Variants in IDH3A observed in about 807,000 individuals in gnomAD.
The protein encoded by IDH3A is isocitrate dehydrogenase [NAD] subunit alpha, mitochondrial.
In IDH3A, 23 loss-of-function variants were observed where a neutral mutation model predicts 43.3. The observed-to-expected ratio is 0.53, with a 90% CI of 0.38 to 0.75. The LOEUF (loss-of-function observed/expected upper bound fraction) is 0.75. Among genes scored for constraint, IDH3A ranks in the 30% least tolerant of loss-of-function variants. IDH3A has a pLI of 0.00. For missense variants in IDH3A, 329 were observed against 474.4 expected (o/e 0.69, Z 2.85); for synonymous variants, 154 against 163.5 (o/e 0.94, Z 0.44).
chr15:78,157,824 C>CTT (rs1009643108), intron 3 of IDH3A, among the ~76,000 whole-genome samples, 193 bp downstream of exon 3: 1 of 144,050 alleles, frequency 6.9e-6, no homozygotes. Flanking sequence ...TTCTTTCTTT[C>CTT]TTTTTTTTTT....
chr15:78,159,878 C>A (rs2074663232), intron 3 of IDH3A: 1 of 457,424 alleles, frequency 2.2e-6, no homozygotes, highest in Non-Finnish European at 4.0e-6. Flanking sequence ...GCCTGTAATC[C>A]CAGCTACTCA....
rs144167663 is a variant in IDH3A at position 78,155,338 on chromosome 15, A to G, written c.90+63A>G. 1.9e-3 allele frequency: 2,063 copies of G among 1,065,572 alleles called. 10 individuals are homozygous for G. Among genetic ancestry groups the G allele is most frequent in the South Asian group, 3.0e-3 (222 of 73,224 alleles). 66.0% of individuals were successfully genotyped at this position (1,065,572 alleles called of 1,614,324 possible). Reference sequence around the variant, plus strand: ...AGTTTCTCAAGAAAGATGCTCTAACATATTTATTATATAGCATTTTATCTC... The same window carrying G: ...AGTTTCTCAAGAAAGATGCTCTAACGTATTTATTATATAGCATTTTATCTC... On this transcript the variant is annotated intron_variant, in intron 2 of 10. Transcript: ENST00000299518.
rs910669668 is a variant in IDH3A at position 78,161,915 on chromosome 15, T to C, written c.477+147T>C. The C allele has an allele frequency of 1.7e-4, 128 of 751,132 alleles. 1 individual carries two copies. Among genetic ancestry groups the C allele is most frequent in the Middle Eastern group, 7.3e-4 (3 of 4,132 alleles). 46.5% of individuals were successfully genotyped at this position (751,132 alleles called of 1,614,324 possible). A position where few individuals can be genotyped will look rare whatever the true frequency, so the allele number is the denominator to read the frequency against. On this transcript the variant is annotated intron_variant, in intron 5 of 10. Transcript: ENST00000299518. This position sits in a 1 kb window ranked among gnomAD's most constrained non-coding sequence, Gnocchi z 4.8. ...GTCTGGCTGACAGTACTCAAACAAA[T>C]GTAAGGCATGGTGGTTCGCGTCACA...
chr15:78,161,825 G>C lies in IDH3A; in HGVS notation c.477+57G>C. 2 of 1,444,334 alleles carry C rather than the reference G, an allele frequency of 1.4e-6. No individual in the cohort carries two copies. Among genetic ancestry groups the C allele is most frequent in the South Asian group, 2.4e-5 (2 of 85,016 alleles). The allele number at this position is 1,444,334 out of a possible 1,614,324, so 89.5% of individuals were successfully genotyped here. A position where few individuals can be genotyped will look rare whatever the true frequency, so the allele number is the denominator to read the frequency against. On this transcript the variant is annotated intron_variant, in intron 5 of 10. Transcript: ENST00000299518. This position sits in a 1 kb window ranked among gnomAD's most constrained non-coding sequence, Gnocchi z 4.8. ...GCTTGGACTGCTTTCTGTGCATCTGGGACCCCAGAGACAGATCTGCTTTAT... is the reference window on the plus strand; with the variant it reads ...GCTTGGACTGCTTTCTGTGCATCTGCGACCCCAGAGACAGATCTGCTTTAT...
chr15:78,170,600 C>G lies in IDH3A; in HGVS notation c.*1595C>G. ...GATGCCTTCGGTCATTTTGGCTCAG[C>G]TTGCTACTGAGAATGGCTGCTTCCC... On this transcript the variant is annotated 3_prime_UTR_variant, in exon 11 of 11. Transcript: ENST00000299518. 1 of 152,426 alleles carries G rather than the reference C, an allele frequency of 6.6e-6. No homozygotes were observed. 9.4% of individuals were successfully genotyped at this position (152,426 alleles called of 1,614,324 possible).
At chr15:78,164,446 A>G (rs2141300739) in intron 8 of IDH3A, among the ~76,000 whole-genome samples, 1 of 149,482 alleles carries the variant, frequency 6.7e-6, no homozygotes, top group South Asian at 2.1e-4. Flanking sequence ...TCTACCTCCC[A>G]GGTTCGAGTG....
Position 78,161,452 on chromosome 15 carries a change from A to T in IDH3A, c.290-129A>T. 1.5e-6 allele frequency: 1 copy of T among 675,642 alleles called. No homozygotes were observed. Among genetic ancestry groups the T allele is most frequent in the East Asian group, 2.6e-5 (1 of 38,938 alleles). 41.9% of individuals were successfully genotyped at this position (675,642 alleles called of 1,614,324 possible). A position where few individuals can be genotyped will look rare whatever the true frequency, so the allele number is the denominator to read the frequency against. ...TCCCGTGAGGAAGTGTTCCTCCTTC[A>T]TTTGAATCTCAGGTAGAGAGTGAAC... On this transcript the variant is annotated intron_variant, in intron 4 of 10. Coordinates refer to ENST00000299518, the MANE Select transcript of IDH3A (RefSeq NM_005530.3). The surrounding 1 kb of genome is among the most constrained non-coding windows in gnomAD (Gnocchi z 4.8).
intron 6 of IDH3A, among the ~76,000 whole-genome samples, chr15:78,162,841 C>T (rs1042820079): frequency 3.3e-5 from 5 of 152,152 alleles, no homozygotes; most frequent in Admixed American, 6.5e-5. Context: ...CCTCTGCGCC[C>T]GGCCTGGAGT....
In IDH3A at chr15:78,169,169, G is replaced by A. The variant is rs896782567; in HGVS notation, c.*164G>A. ...ATCTGTGCAAAAGATGCAGGTGGAT[G>A]TCCCTAGGTCTGTTTTCAAAGAACT... On this transcript the variant is annotated 3_prime_UTR_variant, in exon 11 of 11. Transcript: ENST00000299518. 9.3e-6 allele frequency: 4 copies of A among 429,262 alleles called. No homozygotes were observed. The highest frequency in any genetic ancestry group is 8.0e-5 in the African/African-American group (4 of 49,712). The allele number at this position is 429,262 out of a possible 1,614,324, so 26.6% of individuals were successfully genotyped here. A position where few individuals can be genotyped will look rare whatever the true frequency, so the allele number is the denominator to read the frequency against.
intron 10 of IDH3A, chr15:78,166,511 C>CA: frequency 3.4e-6 from 2 of 581,204 alleles, no homozygotes; most frequent in East Asian, 3.0e-5. Flanking sequence ...ATATTTCATC[C>CA]AAAAAAAGTT....
intron 3 of IDH3A, 125 bp from the exon 4 acceptor site, chr15:78,159,967 C>T: frequency 1.5e-6 from 1 of 649,614 alleles, no homozygotes; most frequent in Non-Finnish European, 2.8e-6. Context: ...TGCACTCTAG[C>T]CTAGGCGACA....
At chr15:78,166,411 A>G in intron 10 of IDH3A, 109 bp downstream of exon 10, 1 of 1,117,270 alleles carries the variant, frequency 9.0e-7, no homozygotes, top group Non-Finnish European at 1.3e-6. Flanking sequence ...GGGCCCAAGC[A>G]TTTGATGTTG....
Position 78,171,745 on chromosome 15 carries a change from A to G in IDH3A, c.*2740A>G. On this transcript the variant is annotated 3_prime_UTR_variant, in exon 11 of 11. Transcript: ENST00000299518. ...TTATACCACTGGTTGTGGCCAGTGG[A>G]GTATAGATGAAGGGTTGGTATGTCA... The G allele has an allele frequency of 2.1e-6, 1 of 465,432 alleles. No individual in the cohort carries two copies. The highest frequency in any genetic ancestry group is 3.9e-6 in the Non-Finnish European group (1 of 257,096). The allele number at this position is 465,432 out of a possible 1,614,324, so 28.8% of individuals were successfully genotyped here.
In IDH3A at chr15:78,157,387, C is replaced by T. The variant is rs1439416722; in HGVS notation, c.91-161C>T. On this transcript the variant is annotated intron_variant, in intron 2 of 10. Coordinates refer to ENST00000299518, the MANE Select transcript of IDH3A (RefSeq NM_005530.3). Reference sequence around the variant, plus strand: ...GAGTCTCTCCTCTGTTGATTCCTGCCTCCCCTTTGATGACCCCCGGGGAGG... The same window carrying T: ...GAGTCTCTCCTCTGTTGATTCCTGCTTCCCCTTTGATGACCCCCGGGGAGG... 6.4e-6 allele frequency: 4 copies of T among 629,456 alleles called. No homozygotes were observed. The East Asian group carries it at 1.2e-4, about 18-fold the overall frequency. The allele number at this position is 629,456 out of a possible 1,614,324, so 39.0% of individuals were successfully genotyped here.
rs928165136 is a variant in IDH3A, at chr15:78,168,989, T to A, written c.1085T>A (p.Val362Glu). 6.3e-7 allele frequency: 1 copy of A among 1,597,690 alleles called. No individual in the cohort carries two copies. The highest frequency in any genetic ancestry group is 1.7e-5 in the Admixed American group (1 of 59,822). ...SDFTEEICRR[V>E]KDLD ...TTCACAGAGGAAATCTGTCGCCGAG[T>A]AAAAGATTTAGATTAACACTTCTAC... Residue 362 changes from valine (V) to glutamate (E), a missense_variant, in exon 11 of 11, where the codon GTA becomes GAA. Physicochemically the swap from Val to Glu is moderately radical, Grantham distance 121 (BLOSUM62 -2). This residue lies in a region of IDH3A where 91 missense variants were observed against 111.6 expected (regional missense o/e 0.82). Coordinates refer to ENST00000299518, the MANE Select transcript of IDH3A (RefSeq NM_005530.3).
At chr15:78,167,134 A>G (rs1284840137) in intron 10 of IDH3A, among the ~76,000 whole-genome samples, 2 of 152,242 alleles carry the variant, frequency 1.3e-5, no homozygotes, top group Non-Finnish European at 2.9e-5. Flanking sequence ...CTATAATACA[A>G]AAGCAATACA....
At chr15:78,167,308 T>C (rs1416067609) in intron 10 of IDH3A, among the ~76,000 whole-genome samples, 1 of 152,170 alleles carries the variant, frequency 6.6e-6, no homozygotes, top group Non-Finnish European at 1.5e-5. Context: ...AAATAATATG[T>C]CCAAGGTTTT....
Position 78,171,709 on chromosome 15 carries a change from A to G in IDH3A, c.*2704A>G, listed in dbSNP as rs868760241. On this transcript the variant is annotated 3_prime_UTR_variant, in exon 11 of 11. Coordinates refer to ENST00000299518, the MANE Select transcript of IDH3A (RefSeq NM_005530.3). Reference sequence around the variant, plus strand: ...CCTGGTATTCATATGGCTTGTGTGTAGTCTCCTGTGTTATACCACTGGTTG... The same window carrying G: ...CCTGGTATTCATATGGCTTGTGTGTGGTCTCCTGTGTTATACCACTGGTTG... 8.8e-6 allele frequency: 5 copies of G among 565,768 alleles called. No homozygotes were observed. In the South Asian group the frequency reaches 1.0e-4, roughly 11 times the overall value. 35.0% of individuals were successfully genotyped at this position (565,768 alleles called of 1,614,324 possible). A position where few individuals can be genotyped will look rare whatever the true frequency, so the allele number is the denominator to read the frequency against.
At position 78,169,020 on chromosome 15, in the gene IDH3A, G is replaced by C. The variant is rs1461399476; in HGVS notation, c.*15G>C. On this transcript the variant is annotated 3_prime_UTR_variant, in exon 11 of 11. Transcript: ENST00000299518. ...ATTTAGATTAACACTTCTACAACTG[G>C]CATTTACATCAGTCACTCTAAATGG... 6.6e-7 allele frequency: 1 copy of C among 1,525,858 alleles called. No homozygotes were observed. The highest frequency in any genetic ancestry group is 9.1e-7 in the Non-Finnish European group (1 of 1,103,446). 94.5% of individuals were successfully genotyped at this position (1,525,858 alleles called of 1,614,324 possible).
Sources: gnomAD v4.1 joint callset for allele counts (sites outside exome capture counted in the v4.1 genomes callset) on GRCh38, gnomAD v4.1.1 for gene constraint, gnomAD v4.1.1 regional missense constraint, Gnocchi (gnomAD v3.1) non-coding constraint, MANE v1.5 for transcripts, NCBI Gene and HGNC (gene_info 2026-07-23, HGNC 2026-07-21) for gene names.